REEP1: variants seen among roughly 807,000 people sequenced by gnomAD.
REEP1 encodes receptor expression-enhancing protein 1.
Under a neutral mutation model 40.3 loss-of-function variants are expected in REEP1, and 22 were observed. The ratio of observed to expected loss-of-function variants is 0.55; its 90% CI spans 0.39 to 0.78. The LOEUF is 0.78. Ranked by LOEUF, REEP1 falls within the 30% of genes least tolerant of loss-of-function variation. REEP1 has a pLI of 0.00. For synonymous variants in REEP1, 116 were observed against 139.2 expected, an observed-to-expected ratio of 0.83 and a Z score of 1.17; for missense variants, 280 against 361.1, an observed-to-expected ratio of 0.78 and a Z score of 1.82.
intron 8 of REEP1, 67 bp downstream of exon 8, chr2:86,219,903 C>T (rs745551245): frequency 1.3e-4 from 154 of 1,186,158 alleles, no homozygotes; most frequent in Non-Finnish European, 1.6e-4. Context: ...GCTCCCAGGA[C>T]CCCCAATCTC....
rs775531103 is a variant in REEP1 at position 86,232,788 on chromosome 2, T to A, written c.432A>T (p.Leu144Phe). Residue 144 changes from leucine to phenylalanine, a missense_variant, in exon 6 of 9, where the codon TTA (leucine) becomes TTT (phenylalanine). Physicochemically the swap from Leu to Phe is conservative, Grantham distance 22. Around this residue, in one of 3 missense-constraint regions of REEP1, gnomAD observed 201 missense variants for 238.5 expected, o/e 0.84. Transcript: ENST00000538924. ...TGCTGAAGCTCCGCAGTCTCTCCGA[T>A]AAGGCACCCTGTCCCTGGATACAAC... ...VMAASKGQGA[L>F]SERLRSFSMQ... is the part of the protein sequence containing the mutation. The A allele has an allele frequency of 1.9e-6, 3 of 1,601,590 alleles. No homozygotes were observed. Among genetic ancestry groups the A allele is most frequent in the African/African-American group, 2.7e-5 (2 of 74,994 alleles).
chr2:86,252,974 T>C (rs1676365330), intron 4 of REEP1, among the ~76,000 whole-genome samples: 1 of 152,196 alleles, frequency 6.6e-6, no homozygotes, highest in Non-Finnish European at 1.5e-5. Flanking sequence ...GTTGTTGTCA[T>C]TGTTTTAAGA....
chr2:86,263,451 C>T (rs965469890), intron 3 of REEP1, among the ~76,000 whole-genome samples: 9 of 152,058 alleles, frequency 5.9e-5, no homozygotes, highest in Admixed American at 4.6e-4. Context: ...GTTAGCCAGG[C>T]TGGTCTCAAA....
intron 1 of REEP1, among the ~76,000 whole-genome samples, chr2:86,316,548 C>CAA (rs58561932): frequency 0.41 from 28,600 of 70,054 alleles, 5,724 homozygotes; most frequent in East Asian, 0.54. Flanking sequence ...AACTCTGTCT[C>CAA]AAAAAAAAAA....
chr2:86,231,536 A>G (rs117744538), intron 6 of REEP1, among the ~76,000 whole-genome samples: 1 of 152,212 alleles, frequency 6.6e-6, no homozygotes, highest in Non-Finnish European at 1.5e-5. Flanking sequence ...CTGTCAGGAC[A>G]TGGGGCTTAT....
intron 2 of REEP1, among the ~76,000 whole-genome samples, chr2:86,271,904 A>T (rs1677474730): frequency 6.6e-6 from 1 of 152,164 alleles, no homozygotes; most frequent in East Asian, 1.9e-4. Context: ...ATTAGAGCAA[A>T]AGGACAATGA....
intron 1 of REEP1, among the ~76,000 whole-genome samples, chr2:86,304,062 G>A (rs551237849): frequency 4.6e-5 from 7 of 152,262 alleles, no homozygotes; most frequent in African/African-American, 1.4e-4. Context: ...ATGAATGTAC[G>A]AGTGGTGAAG....
At chr2:86,281,830 C>T (rs377228810) in intron 2 of REEP1, among the ~76,000 whole-genome samples, 62 of 152,226 alleles carry the variant, frequency 4.1e-4, no homozygotes, top group African/African-American at 1.3e-3. Flanking sequence ...TTCTCCATCA[C>T]GGTGCTTTAA....
intron 1 of REEP1, among the ~76,000 whole-genome samples, chr2:86,299,223 C>T (rs902689841): frequency 1.3e-5 from 2 of 152,184 alleles, no homozygotes; most frequent in African/African-American, 4.8e-5. Context: ...AGTGCTCTGC[C>T]CCCAACTCTG....
At chr2:86,292,685 AG>A (rs1678783494) in intron 1 of REEP1, among the ~76,000 whole-genome samples, 1 of 152,106 alleles carries the variant, frequency 6.6e-6, no homozygotes. Context: ...GTATATATTT[AG>A]GCTGAGAAAA....
chr2:86,318,120 C>T (rs932202692), intron 1 of REEP1, among the ~76,000 whole-genome samples: 1 of 152,142 alleles, frequency 6.6e-6, no homozygotes, highest in Non-Finnish European at 1.5e-5. Context: ...GATATTAATG[C>T]ATATGGATTT....
In REEP1 at chr2:86,318,559, G is replaced by A. The variant is rs776236639; in HGVS notation, c.32+18920C>T. 6.5e-4 allele frequency among the ~76,000 whole-genome samples: 99 copies of A among 151,782 alleles called. No individual in the cohort carries two copies. The Middle Eastern group carries it at 0.01, about 16-fold the overall frequency. The stretch of plus-strand genomic sequence containing the variant: ...ACTACAGGTCCATGCCACCAATCCC[G>A]GCTAATTTTTGTATTTTTAGTAGAG... On this transcript the variant is annotated intron_variant, in intron 1 of 8. Coordinates refer to ENST00000538924, the MANE Select transcript of REEP1 (RefSeq NM_001371279.1).
upstream of REEP1, chr2:86,337,963 G>T: frequency 6.9e-7 from 1 of 1,441,062 alleles, no homozygotes; most frequent in Non-Finnish European, 9.4e-7. The surrounding 1 kb of genome is among the most constrained non-coding windows in gnomAD (Gnocchi z 5.8). Flanking sequence ...GTCTGCACCT[G>T]TCTAGGTGGG....
At chr2:86,247,731 A>C (rs902492251) in intron 5 of REEP1, among the ~76,000 whole-genome samples, 1 of 151,836 alleles carries the variant, frequency 6.6e-6, no homozygotes, top group African/African-American at 2.4e-5. Flanking sequence ...CCACCACACC[A>C]GGCTAATTTT....
chr2:86,272,909 GC>G (rs1337209764), intron 2 of REEP1, among the ~76,000 whole-genome samples: 1 of 152,050 alleles, frequency 6.6e-6, no homozygotes, highest in Admixed American at 6.5e-5. Context: ...GATCACTTGA[GC>G]CCAGGAGTTT....
chr2:86,308,840 G>A (rs189513699), intron 1 of REEP1, among the ~76,000 whole-genome samples: 1 of 152,310 alleles, frequency 6.6e-6, no homozygotes, highest in East Asian at 1.9e-4. Context: ...AATTTGTGGG[G>A]AGGACACGGG....
intron 1 of REEP1, among the ~76,000 whole-genome samples, chr2:86,284,441 G>A (rs964474495): frequency 6.6e-6 from 1 of 152,168 alleles, no homozygotes. Context: ...CGTGTTCACT[G>A]TGTGAAGTAT....
chr2:86,329,237 C>T (rs1558940209), intron 1 of REEP1, among the ~76,000 whole-genome samples: 1 of 152,078 alleles, frequency 6.6e-6, no homozygotes, highest in Non-Finnish European at 1.5e-5. Flanking sequence ...TTTATGGATA[C>T]AGGATGCGGG....
At chr2:86,251,606 C>A (rs997729873) in intron 5 of REEP1, 8 of 357,164 alleles carry the variant, frequency 2.2e-5, no homozygotes, top group Non-Finnish European at 3.3e-5. Flanking sequence ...CTCTCCCCTG[C>A]CCTCTTCTGT....
Sources: gnomAD v4.1 joint callset for allele counts (sites outside exome capture counted in the v4.1 genomes callset) on GRCh38, gnomAD v4.1.1 for gene constraint, gnomAD v4.1.1 regional missense constraint, Gnocchi (gnomAD v3.1) non-coding constraint, MANE v1.5 for transcripts, NCBI Gene and HGNC (gene_info 2026-07-23, HGNC 2026-07-21) for gene names.